The following TUBGCP3 variants were observed in gnomAD, a reference collection of about 807,000 sequenced individuals.
The protein encoded by TUBGCP3 is tubulin gamma complex component 3, also known as gamma-tubulin complex component 3.
Under a neutral mutation model 123.1 loss-of-function variants are expected in TUBGCP3, and 50 were observed. The ratio of observed to expected loss-of-function variants is 0.41; its 90% confidence interval spans 0.32 to 0.51. The LOEUF is 0.51. Among genes scored for constraint, TUBGCP3 ranks in the 20% least tolerant of loss-of-function variants. The pLI is 0.36. For synonymous variants in TUBGCP3, 405 were observed against 413.9 expected, an observed-to-expected ratio of 0.98 and a Z score of 0.26; for missense variants, 882 against 1,127.0, an observed-to-expected ratio of 0.78 and a Z score of 3.11.
rs1877194846 is a variant in TUBGCP3 at position 112,527,067 on chromosome 13, T to C, written c.1447-17A>G. The C allele has an allele frequency of 1.9e-6, 3 of 1,580,274 alleles. No homozygotes were observed. Among genetic ancestry groups the C allele is most frequent in the African/African-American group, 2.7e-5 (2 of 74,228 alleles). The stretch of plus-strand genomic sequence containing the variant: ...CAAAAGGACCTAAAAAGAAAAACAT[T>C]CTATGATTACTTTTATGTAAATTTA... On this transcript the variant is annotated splice_polypyrimidine_tract_variant and intron_variant, in intron 12 of 21. Coordinates refer to ENST00000261965, the MANE Select transcript of TUBGCP3 (RefSeq NM_006322.6).
intron 16 of TUBGCP3, among the ~76,000 whole-genome samples, chr13:112,517,157 C>T (rs947852878): frequency 3.3e-5 from 5 of 152,202 alleles, no homozygotes; most frequent in Non-Finnish European, 7.3e-5. Flanking sequence ...GCCATAATTA[C>T]AGGTGTGTGC....
Position 112,545,528 on chromosome 13 carries a change from G to A in TUBGCP3, c.1335+171C>T, listed in dbSNP as rs1878911900. ...AACTCGTGAACTTATCTGCTGTTCA[G>A]TGAGATAACCAGCTGTCGAGGCACT... On this transcript the variant is annotated intron_variant, in intron 11 of 21. Transcript: ENST00000261965. This position sits in a 1 kb window ranked among gnomAD's most constrained non-coding sequence, Gnocchi z 4.1. 6.0e-6 allele frequency: 4 copies of A among 662,432 alleles called. No homozygotes were observed. In the South Asian group the frequency reaches 6.4e-5, roughly 11 times the overall value. 41.0% of individuals were successfully genotyped at this position (662,432 alleles called of 1,614,324 possible). A position where few individuals can be genotyped will look rare whatever the true frequency, so the allele number is the denominator to read the frequency against.
intron 8 of TUBGCP3, among the ~76,000 whole-genome samples, chr13:112,550,762 C>T (rs1879494446): frequency 6.6e-6 from 1 of 152,226 alleles, no homozygotes; most frequent in Admixed American, 6.5e-5. Context: ...AGCCCCAGGG[C>T]AGGAGAGCAG....
chr13:112,512,894 G>A (rs1363461409), intron 17 of TUBGCP3, among the ~76,000 whole-genome samples: 2 of 152,122 alleles, frequency 1.3e-5, no homozygotes, highest in African/African-American at 4.8e-5. Flanking sequence ...TTAAAAACCA[G>A]AGGAAAACTA....
intron 11 of TUBGCP3, among the ~76,000 whole-genome samples, chr13:112,541,310 G>T (rs1466417675): frequency 6.6e-6 from 1 of 152,172 alleles, no homozygotes; most frequent in Non-Finnish European, 1.5e-5. Flanking sequence ...GGGAGGCCGA[G>T]GCGGGTGGAT....
At chr13:112,567,762 C>A (rs905770976) in intron 2 of TUBGCP3, among the ~76,000 whole-genome samples, 3 of 152,216 alleles carry the variant, frequency 2.0e-5, no homozygotes, top group African/African-American at 7.2e-5. Context: ...AGAACTGACT[C>A]GCCATCCAGT....
chr13:112,578,558 C>CAAAAAAAAAAAAAAA (rs71131496), intron 1 of TUBGCP3, among the ~76,000 whole-genome samples: 7 of 24,912 alleles, frequency 2.8e-4, no homozygotes, highest in African/African-American at 5.9e-4. Flanking sequence ...GACTCCGTCT[C>CAAAAAAAAAAAAAAA]AAAAAAAAAA....
intron 11 of TUBGCP3, among the ~76,000 whole-genome samples, chr13:112,543,682 T>C (rs2139159675): frequency 6.6e-6 from 1 of 152,330 alleles, no homozygotes; most frequent in African/African-American, 2.4e-5. Flanking sequence ...TAGTAAAACT[T>C]GTGTGGAGTC....
At chr13:112,534,609 T>C (rs1463509256) in intron 11 of TUBGCP3, among the ~76,000 whole-genome samples, 1 of 151,728 alleles carries the variant, frequency 6.6e-6, no homozygotes, top group Non-Finnish European at 1.5e-5. Flanking sequence ...CAAACAGATG[T>C]GCAGCCTGAG....
intron 16 of TUBGCP3, among the ~76,000 whole-genome samples, chr13:112,517,603 T>C (rs1876254760): frequency 6.6e-6 from 1 of 152,188 alleles, no homozygotes; most frequent in Non-Finnish European, 1.5e-5. Context: ...ATTTAAATAA[T>C]TTGTTAAGGC....
chr13:112,488,131 C>CAA lies in TUBGCP3; in HGVS notation c.2565+1448_2565+1449dup, dbSNP rs35453839. On this transcript the variant is annotated intron_variant, in intron 21 of 21. Coordinates refer to ENST00000261965, the MANE Select transcript of TUBGCP3 (RefSeq NM_006322.6). ...TGGGTGACAGAGCAAGACTTGGTCT[C>CAA]AAAAAAAAAAAAAAAAAAAAAGTTT... Among the ~76,000 whole-genome samples the CAA allele has an allele frequency of 2.4e-3, 129 of 53,324 alleles. 1 individual carries two copies. In the East Asian group the frequency reaches 0.024, roughly 10 times the overall value. The allele number at this position is 53,324 out of a possible 152,430, so 35.0% of individuals were successfully genotyped here.
chr13:112,587,538 T>C (rs954513846), intron 1 of TUBGCP3, among the ~76,000 whole-genome samples: 5 of 152,208 alleles, frequency 3.3e-5, no homozygotes, highest in Non-Finnish European at 7.4e-5. Context: ...GGGGGATAAA[T>C]TGGCGAGCTG....
At chr13:112,585,110 T>G (rs901192659) in intron 1 of TUBGCP3, among the ~76,000 whole-genome samples, 2 of 152,192 alleles carry the variant, frequency 1.3e-5, no homozygotes, top group Admixed American at 1.3e-4. Context: ...TCATTAAAAG[T>G]AACAAGTACC....
Position 112,485,853 on chromosome 13 carries a change from C to T in TUBGCP3, c.*140G>A, listed in dbSNP as rs1004667657. ...ACACGACGTGGCTTCTCCCACACGCCGCTCCGCTGAAACATGGCGCACTCG... is the reference window on the plus strand; with the variant it reads ...ACACGACGTGGCTTCTCCCACACGCTGCTCCGCTGAAACATGGCGCACTCG... On this transcript the variant is annotated 3_prime_UTR_variant, in exon 22 of 22. Transcript: ENST00000261965. 39 of 833,392 alleles carry T rather than the reference C, an allele frequency of 4.7e-5. No individual in the cohort carries two copies. Among genetic ancestry groups the T allele is most frequent in the Middle Eastern group, 6.3e-4 (2 of 3,196 alleles). 51.6% of individuals were successfully genotyped at this position (833,392 alleles called of 1,614,324 possible).
chr13:112,544,263 C>A (rs983455931), intron 11 of TUBGCP3, among the ~76,000 whole-genome samples: 27 of 151,950 alleles, frequency 1.8e-4, no homozygotes, highest in East Asian at 5.8e-4. Flanking sequence ...ACCATCCTGG[C>A]TAACACAGTG....
intron 7 of TUBGCP3, 38 bp from the exon 8 acceptor site, chr13:112,554,220 G>T: frequency 6.2e-7 from 1 of 1,608,582 alleles, no homozygotes; most frequent in Non-Finnish European, 8.5e-7. Context: ...ACATTAAAAA[G>T]CAATACTAGA....
At chr13:112,489,481 C>G (rs1045519462) in intron 21 of TUBGCP3, 100 bp downstream of exon 21, 2 of 843,892 alleles carry the variant, frequency 2.4e-6, no homozygotes, top group African/African-American at 1.7e-5. Flanking sequence ...AAGTGTCAGA[C>G]TGACAGGGCT....
chr13:112,563,229 G>C (rs1206923663), intron 3 of TUBGCP3, among the ~76,000 whole-genome samples: 1 of 152,044 alleles, frequency 6.6e-6, no homozygotes, highest in Non-Finnish European at 1.5e-5. Context: ...TTGACCTTTC[G>C]TCCCCATGGT....
At position 112,524,787 on chromosome 13, in the gene TUBGCP3, C is replaced by T. The variant is rs182308599; in HGVS notation, c.1555+2155G>A. 4.7e-3 allele frequency among the ~76,000 whole-genome samples: 715 copies of T among 152,244 alleles called. 2 individuals are homozygous for T. Among genetic ancestry groups the T allele is most frequent in the South Asian group, 0.012 (57 of 4,820 alleles). On this transcript the variant is annotated intron_variant, in intron 13 of 21. Transcript: ENST00000261965. This position sits in a 1 kb window ranked among gnomAD's most constrained non-coding sequence, Gnocchi z 4.4. ...GTTACCATGGTGAGATAAGTGCTTC[C>T]AAAATCTCTATATTCGGCCCTGACT...
Sources: gnomAD v4.1 joint callset for allele counts (sites outside exome capture counted in the v4.1 genomes callset) on GRCh38, gnomAD v4.1.1 for gene constraint, Gnocchi (gnomAD v3.1) non-coding constraint, MANE v1.5 for transcripts, NCBI Gene and HGNC (gene_info 2026-07-23, HGNC 2026-07-21) for gene names.